The following NDRG4 variants were observed in gnomAD, a reference collection of about 807,000 sequenced individuals.
NDRG4 encodes the protein protein NDRG4.
A neutral mutation model predicts 55.8 loss-of-function variants in NDRG4; 38 were observed. The ratio of observed to expected loss-of-function variants is 0.68; its 90% CI spans 0.53 to 0.89. NDRG4 has a LOEUF of 0.89. Ranked by LOEUF, NDRG4 falls within the 40% of genes least tolerant of loss-of-function variation. The pLI, the probability that NDRG4 is intolerant of heterozygous loss-of-function variation, is 0.00. For synonymous variants in NDRG4, 190 were observed against 182.7 expected, an observed-to-expected ratio of 1.04 and a Z score of -0.32; for missense variants, 455 against 468.6, an observed-to-expected ratio of 0.97 and a Z score of 0.27.
chr16:58,508,830 G>C, intron 10 of NDRG4, 132 bp from the exon 11 acceptor site: 1 of 933,352 alleles, frequency 1.1e-6, no homozygotes, highest in Non-Finnish European at 1.7e-6. Flanking sequence ...GGAGCAGCCT[G>C]TCACAGCTGC....
intron 2 of NDRG4, chr16:58,487,865 C>A (rs1251842623): frequency 6.6e-7 from 1 of 1,525,926 alleles, no homozygotes; most frequent in Non-Finnish European, 8.8e-7. Context: ...GTTGGAGTCG[C>A]GCCTTTGAGG....
chr16:58,485,554 C>T (rs757362762), intron 1 of NDRG4, among the ~76,000 whole-genome samples: 1 of 152,108 alleles, frequency 6.6e-6, no homozygotes, highest in Non-Finnish European at 1.5e-5. Context: ...TGTCCTGATG[C>T]GGAAGAGTTT....
intron 14 of NDRG4, 162 bp downstream of exon 14, chr16:58,510,845 A>G: frequency 1.4e-6 from 1 of 706,104 alleles, no homozygotes; most frequent in Admixed American, 2.4e-5. Flanking sequence ...GCTTTTCTGC[A>G]GGCTTGGCCT....
intron 1 of NDRG4, among the ~76,000 whole-genome samples, chr16:58,479,638 G>T (rs563145433): frequency 5.9e-5 from 9 of 152,286 alleles, no homozygotes; most frequent in African/African-American, 2.2e-4. Flanking sequence ...GTAAGTTGTG[G>T]TCTGTGTGAA....
chr16:58,509,538 G>A, intron 13 of NDRG4, 186 bp downstream of exon 13: 1 of 638,458 alleles, frequency 1.6e-6, no homozygotes, highest in South Asian at 1.9e-5. Context: ...TGAGTTGCAA[G>A]TTGGCCATCC....
chr16:58,504,785 A>G, intron 5 of NDRG4, 136 bp downstream of exon 5: 2 of 843,624 alleles, frequency 2.4e-6, no homozygotes, highest in Admixed American at 5.3e-5. Flanking sequence ...CCTCCTCTTT[A>G]TGTAGAAAAC....
upstream of NDRG4, chr16:58,500,053 G>A (rs2036868098): frequency 7.0e-6 from 10 of 1,433,702 alleles, no homozygotes; most frequent in Middle Eastern, 2.2e-4. Flanking sequence ...CCTGGTAAGC[G>A]AGTGGCTGCT....
rs1232477776 is a variant in NDRG4, at chr16:58,511,721, G to A, written c.*145G>A. 2 of 961,308 alleles carry A rather than the reference G, an allele frequency of 2.1e-6. No individual in the cohort carries two copies. Among genetic ancestry groups the A allele is most frequent in the East Asian group, 2.6e-5 (1 of 38,600 alleles). The allele number at this position is 961,308 out of a possible 1,614,324, so 59.5% of individuals were successfully genotyped here. A position where few individuals can be genotyped will look rare whatever the true frequency, so the allele number is the denominator to read the frequency against. On this transcript the variant is annotated 3_prime_UTR_variant, in exon 15 of 15. Coordinates refer to ENST00000570248, the MANE Select transcript of NDRG4 (RefSeq NM_001242835.2). ...AAAAAATGAGGGGATCTTAGATGCTGCAGCAGAACAGTCTCCAGGTGTTTT... is the reference window on the plus strand; with the variant it reads ...AAAAAATGAGGGGATCTTAGATGCTACAGCAGAACAGTCTCCAGGTGTTTT...
Position 58,507,874 on chromosome 16 carries a change from C to T in NDRG4, c.677+10C>T, listed in dbSNP as rs777558634. 4 of 1,614,052 alleles carry T rather than the reference C, an allele frequency of 2.5e-6. No individual in the cohort carries two copies. Among genetic ancestry groups the T allele is most frequent in the Non-Finnish European group, 3.4e-6 (4 of 1,179,998 alleles). ...ATGCCAAGACGCTCCGGTGAGTGGC[C>T]CCTGGCCCTCTGGCCTGCCCTGGCC... On this transcript the variant is annotated intron_variant, in intron 9 of 14. Transcript: ENST00000570248.
At chr16:58,480,963 C>A (rs776076046) in intron 1 of NDRG4, among the ~76,000 whole-genome samples, 5 of 150,944 alleles carry the variant, frequency 3.3e-5, no homozygotes, top group African/African-American at 9.8e-5. Context: ...GAGCTGAGAT[C>A]GTGCCACTGC....
At chr16:58,490,109 T>C (rs573270862) in intron 2 of NDRG4, among the ~76,000 whole-genome samples, 1 of 152,354 alleles carries the variant, frequency 6.6e-6, no homozygotes, top group South Asian at 2.1e-4. Context: ...TCCTAAGTGC[T>C]GGGATTACAG....
Position 58,509,016 on chromosome 16 carries a change from C to T in NDRG4, c.777+7C>T. ...CACTACGACCTTCCTGAAGGTGAGG[C>T]TTTCTTCCCCAGCCCTGGGCCAGCT... On this transcript the variant is annotated splice_region_variant and intron_variant, in intron 11 of 14. Transcript: ENST00000570248. The T allele has an allele frequency of 4.3e-6, 7 of 1,614,122 alleles. No individual in the cohort carries two copies. The highest frequency in any genetic ancestry group is 1.1e-5 in the South Asian group (1 of 91,086).
intron 13 of NDRG4, among the ~76,000 whole-genome samples, chr16:58,510,156 T>C (rs968454798): frequency 1.6e-4 from 25 of 152,158 alleles, no homozygotes; most frequent in Admixed American, 1.5e-3. Flanking sequence ...CACCCAGGAA[T>C]AGAATGCTCT....
exon 1 of NDRG4, chr16:58,463,722 C>T (rs926064252): frequency 6.7e-6 from 1 of 150,090 alleles, no homozygotes; most frequent in Non-Finnish European, 1.5e-5. Flanking sequence ...CCTGGCTGCC[C>T]GCACCTGCAC....
chr16:58,469,303 C>T (rs1005209981), intron 1 of NDRG4, among the ~76,000 whole-genome samples: 3 of 150,546 alleles, frequency 2.0e-5, no homozygotes, highest in Non-Finnish European at 4.4e-5. Context: ...TGTGGGGGCA[C>T]GTACATGGTT....
At chr16:58,494,181 G>A (rs2036125924) in intron 2 of NDRG4, among the ~76,000 whole-genome samples, 1 of 152,226 alleles carries the variant, frequency 6.6e-6, no homozygotes, top group Non-Finnish European at 1.5e-5. Flanking sequence ...TGGTGCCCGC[G>A]GTCCGGTGGG....
At chr16:58,510,717 G>C (rs1053483915) in intron 14 of NDRG4, 34 bp downstream of exon 14, 1 of 1,531,348 alleles carries the variant, frequency 6.5e-7, no homozygotes, top group South Asian at 1.2e-5. Flanking sequence ...ATGCATGGAC[G>C]CCCAGCCTCC....
intron 5 of NDRG4, chr16:58,506,173 G>A (rs745874418): frequency 5.0e-6 from 3 of 594,572 alleles, no homozygotes; most frequent in East Asian, 3.3e-5. Flanking sequence ...TGTGTGTAGG[G>A]GTGGAAACAA....
In NDRG4 at chr16:58,511,827, G is replaced by T; in HGVS notation, c.*251G>T. 1 of 550,354 alleles carries T rather than the reference G, an allele frequency of 1.8e-6. No homozygotes were observed. The highest frequency in any genetic ancestry group is 1.8e-5 in the South Asian group (1 of 55,244). 34.1% of individuals were successfully genotyped at this position (550,354 alleles called of 1,614,324 possible). A position where few individuals can be genotyped will look rare whatever the true frequency, so the allele number is the denominator to read the frequency against. On this transcript the variant is annotated 3_prime_UTR_variant, in exon 15 of 15. Transcript: ENST00000570248. The stretch of plus-strand genomic sequence containing the variant: ...GACCCCTCTCATCCCACTCCCGGCG[G>T]CCCAGGCACAGAAGGGCAGGGCCAT...
Sources: gnomAD v4.1 joint callset for allele counts (sites outside exome capture counted in the v4.1 genomes callset) on GRCh38, gnomAD v4.1.1 for gene constraint, MANE v1.5 for transcripts, NCBI Gene and HGNC (gene_info 2026-07-23, HGNC 2026-07-21) for gene names.